Variants in CEP164 observed in about 807,000 individuals in gnomAD.
The protein encoded by CEP164 is centrosomal protein of 164 kDa.
A neutral mutation model predicts 182.7 loss-of-function variants in CEP164; 162 were observed. That is an observed-to-expected ratio of 0.89 (90% CI 0.78 to 1.01). CEP164 has a LOEUF of 1.01. Ranked by LOEUF, CEP164 falls within the 50% of genes least tolerant of loss-of-function variation. The pLI is 0.00. For missense variants in CEP164, 1,735 were observed against 1,790.4 expected (o/e 0.97, Z 0.56); for synonymous variants, 661 against 690.0 (o/e 0.96, Z 0.66).
At chr11:117,338,379 G>A (rs2037540588) in intron 2 of CEP164, among the ~76,000 whole-genome samples, 187 bp from the exon 3 acceptor site, 1 of 152,194 alleles carries the variant, frequency 6.6e-6, no homozygotes, top group African/African-American at 2.4e-5. Context: ...CCTTTGCCAG[G>A]TGCAGAGCCT....
rs138449146 is a variant in CEP164 at position 117,344,273 on chromosome 11, C to A, written c.190C>A (p.Pro64Thr). The change falls in exon 4 of 33, where the codon CCA (proline) becomes ACA (threonine). Residue 64 changes from proline to threonine, a missense_variant. Transcript: ENST00000278935. ...IVAPLPGEWK[P>T]CQDITGDIYY... Reference sequence around the variant, plus strand: ...GGCCCCACTGCCTGGAGAGTGGAAACCATGGTAAGTCAGCAGGGGGTGCGG... The same window carrying A: ...GGCCCCACTGCCTGGAGAGTGGAAAACATGGTAAGTCAGCAGGGGGTGCGG... 1 of 1,610,370 alleles carries A rather than the reference C, an allele frequency of 6.2e-7. No homozygotes were observed. The highest frequency in any genetic ancestry group is 8.5e-7 in the Non-Finnish European group (1 of 1,177,712).
At chr11:117,348,340 C>T (rs1236591811) in intron 4 of CEP164, among the ~76,000 whole-genome samples, 1 of 152,036 alleles carries the variant, frequency 6.6e-6, no homozygotes, top group Non-Finnish European at 1.5e-5. Flanking sequence ...AAAATAACAA[C>T]GGATCATTTT....
intron 2 of CEP164, 43 bp from the exon 3 acceptor site, chr11:117,338,523 G>T: frequency 7.1e-7 from 1 of 1,406,388 alleles, no homozygotes; most frequent in Non-Finnish European, 1.0e-6. Flanking sequence ...TGTTAAGCTT[G>T]GTCACTGATT....
intron 24 of CEP164, 52 bp from the exon 25 acceptor site, chr11:117,396,001 TC>T (rs112036173): frequency 6.2e-6 from 10 of 1,606,660 alleles, no homozygotes; most frequent in South Asian, 1.1e-5. Flanking sequence ...ACTTCACCCC[TC>T]CCCCCCATCG....
chr11:117,373,094 C>T (rs2042384156), intron 9 of CEP164, among the ~76,000 whole-genome samples: 1 of 152,132 alleles, frequency 6.6e-6, no homozygotes, highest in African/African-American at 2.4e-5. Flanking sequence ...ATCGGCCGGG[C>T]ACGGTGGCTC....
At chr11:117,332,118 C>A (rs1419985433) in intron 1 of CEP164, among the ~76,000 whole-genome samples, 1 of 151,776 alleles carries the variant, frequency 6.6e-6, no homozygotes, top group Non-Finnish European at 1.5e-5. Flanking sequence ...GCCACAACAC[C>A]CGGCCTATTC....
intron 30 of CEP164, 126 bp downstream of exon 30, chr11:117,410,091 C>G: frequency 1.1e-6 from 1 of 896,364 alleles, no homozygotes; most frequent in Non-Finnish European, 1.8e-6. Flanking sequence ...TGCCACACCT[C>G]TCCTCCCCCA....
intron 4 of CEP164, among the ~76,000 whole-genome samples, chr11:117,344,825 G>T (rs2135267158): frequency 6.6e-6 from 1 of 152,234 alleles, no homozygotes; most frequent in East Asian, 1.9e-4. Flanking sequence ...CTACTTAGGA[G>T]GCTGAGGCAG....
chr11:117,362,356 C>G (rs769747602), intron 6 of CEP164, 48 bp from the exon 7 acceptor site: 1 of 1,587,622 alleles, frequency 6.3e-7, no homozygotes, highest in Middle Eastern at 1.8e-4. Context: ...AAGGTCATTC[C>G]AAAGGTCTTC....
intron 27 of CEP164, among the ~76,000 whole-genome samples, chr11:117,399,683 A>C (rs1334620939): frequency 1.3e-5 from 2 of 152,128 alleles, no homozygotes; most frequent in African/African-American, 4.8e-5. Context: ...CATTCTAACC[A>C]ATGTGAGATG....
At position 117,393,233 on chromosome 11, in the gene CEP164, C is replaced by T. The variant is rs566477562; in HGVS notation, c.2616+107C>T. On this transcript the variant is annotated intron_variant, in intron 20 of 32. Coordinates refer to ENST00000278935, the MANE Select transcript of CEP164 (RefSeq NM_014956.5). Reference sequence around the variant, plus strand: ...CATGCACGCACATGCACACACACCCCGGGGTCCTTCCCACCTGGCTGTGGG... The same window carrying T: ...CATGCACGCACATGCACACACACCCTGGGGTCCTTCCCACCTGGCTGTGGG... 208 of 1,455,344 alleles carry T rather than the reference C, an allele frequency of 1.4e-4. 1 individual carries two copies. Among genetic ancestry groups the T allele is most frequent in the Admixed American group, 2.7e-4 (13 of 48,060 alleles). The allele number at this position is 1,455,344 out of a possible 1,614,324, so 90.2% of individuals were successfully genotyped here. A position where few individuals can be genotyped will look rare whatever the true frequency, so the allele number is the denominator to read the frequency against.
rs1592529635 is a variant in CEP164 at position 117,411,586 on chromosome 11, G to C, written c.4164-209G>C. On this transcript the variant is annotated intron_variant, in intron 31 of 32. Coordinates refer to ENST00000278935, the MANE Select transcript of CEP164 (RefSeq NM_014956.5). The surrounding 1 kb of genome is among the most constrained non-coding windows in gnomAD (Gnocchi z 4.4). The stretch of plus-strand genomic sequence containing the variant: ...CCTTGTATCAGTAGCACCCAGCAAG[G>C]GGGCAGAGGGCCTCCACCACTTTCC... 33 of 575,666 alleles carry C rather than the reference G, an allele frequency of 5.7e-5. No individual in the cohort carries two copies. In the East Asian group the frequency reaches 9.7e-4, roughly 17 times the overall value. The allele number at this position is 575,666 out of a possible 1,614,324, so 35.7% of individuals were successfully genotyped here.
rs2136971226 is a variant in CEP164, at chr11:117,410,901, C to T, written c.4163+7C>T. 1.2e-6 allele frequency: 2 copies of T among 1,611,984 alleles called. No individual in the cohort carries two copies. Among genetic ancestry groups the T allele is most frequent in the Non-Finnish European group, 1.7e-6 (2 of 1,179,008 alleles). On this transcript the variant is annotated splice_region_variant and intron_variant, in intron 31 of 32. Coordinates refer to ENST00000278935, the MANE Select transcript of CEP164 (RefSeq NM_014956.5). ...TGGGTTACATGTCTGCCAGGTGAGC[C>T]TCCCTGGGGGCTGGTTGGGGTGGAA...
At chr11:117,405,700 T>A (rs565386129) in intron 27 of CEP164, among the ~76,000 whole-genome samples, 5 of 152,318 alleles carry the variant, frequency 3.3e-5, no homozygotes, top group African/African-American at 1.2e-4. Context: ...ATGAAATGCT[T>A]TTAACAGCAC....
intron 27 of CEP164, among the ~76,000 whole-genome samples, chr11:117,400,077 T>A (rs955102711): frequency 4.6e-5 from 7 of 152,242 alleles, no homozygotes; most frequent in African/African-American, 1.7e-4. Context: ...ATATCCTGAA[T>A]GGTATTGCCT....
intron 11 of CEP164, among the ~76,000 whole-genome samples, chr11:117,378,549 T>A (rs1034036677): frequency 3.3e-5 from 5 of 152,190 alleles, no homozygotes; most frequent in African/African-American, 1.2e-4. Flanking sequence ...GACTGCATCT[T>A]AAATGAAAAC....
intron 28 of CEP164, among the ~76,000 whole-genome samples, 185 bp downstream of exon 28, chr11:117,408,217 C>G (rs1449145854): frequency 1.3e-5 from 2 of 152,132 alleles, no homozygotes; most frequent in Admixed American, 1.3e-4. Flanking sequence ...GTTGAAGACA[C>G]CTGTGGGTTT....
intron 1 of CEP164, 25 bp from the exon 2 acceptor site, chr11:117,335,580 T>C (rs1285577171): frequency 1.5e-5 from 2 of 130,060 alleles, no homozygotes; most frequent in Non-Finnish European, 3.2e-5. Flanking sequence ...AGATCTTGAC[T>C]TTTTTTTTTT....
chr11:117,397,209 G>A lies in CEP164; in HGVS notation c.3397G>A (p.Ala1133Thr), dbSNP rs1300427268. The A allele has an allele frequency of 1.2e-6, 2 of 1,614,234 alleles. No homozygotes were observed. The highest frequency in any genetic ancestry group is 1.7e-6 in the Non-Finnish European group (2 of 1,180,044). ...GCGGAGGCGGCAGACAGCTCTGAAA[G>A]CTGCCCAGCAGCATTGGCGCCATGA... ...SMRRRQTALKAAQQHWRHELA... is the reference protein window; with the variant it reads ...SMRRRQTALKTAQQHWRHELA... The change falls in exon 27 of 33, where the codon GCT (alanine) becomes ACT (threonine). Residue 1133 changes from alanine to threonine, a missense_variant. Physicochemically the swap from Ala to Thr is moderately conservative, Grantham distance 58. Transcript: ENST00000278935.
Sources: gnomAD v4.1 joint callset for allele counts (sites outside exome capture counted in the v4.1 genomes callset) on GRCh38, gnomAD v4.1.1 for gene constraint, Gnocchi (gnomAD v3.1) non-coding constraint, MANE v1.5 for transcripts, NCBI Gene and HGNC (gene_info 2026-07-23, HGNC 2026-07-21) for gene names.